Variants in KLHL1 observed in about 807,000 individuals in gnomAD.
KLHL1 encodes the protein kelch like family member 1.
KLHL1 carries 47 observed loss-of-function variants against 77.7 expected under a neutral mutation model. That is an observed-to-expected ratio of 0.60 (90% CI 0.48 to 0.77). The LOEUF (loss-of-function observed/expected upper bound fraction) is 0.77, where lower values mean the gene tolerates loss of function less well. Among genes scored for constraint, KLHL1 ranks in the 30% least tolerant of loss-of-function variants. The pLI is 0.00. For synonymous variants in KLHL1, 360 were observed against 325.2 expected (o/e 1.11, Z -1.15); for missense variants, 925 against 910.8 (o/e 1.02, Z -0.20).
At chr13:69,751,140 G>C (rs963731821) in intron 7 of KLHL1, among the ~76,000 whole-genome samples, 1 of 151,328 alleles carries the variant, frequency 6.6e-6, no homozygotes, top group African/African-American at 2.4e-5. Context: ...GTGTGTGTGT[G>C]TGTGTGTGTA....
intron 3 of KLHL1, among the ~76,000 whole-genome samples, chr13:69,961,005 A>G (rs960880722): frequency 6.6e-6 from 1 of 152,000 alleles, no homozygotes; most frequent in African/African-American, 2.4e-5. Context: ...CTAAGCAAAC[A>G]TGGACATAAA....
At chr13:69,966,927 C>A (rs1181005299) in intron 2 of KLHL1, among the ~76,000 whole-genome samples, 1 of 152,082 alleles carries the variant, frequency 6.6e-6, no homozygotes, top group Non-Finnish European at 1.5e-5. Context: ...TCCATGTGAC[C>A]ATGAATGACA....
intron 4 of KLHL1, among the ~76,000 whole-genome samples, chr13:69,934,841 CT>C (rs1161396924): frequency 6.6e-6 from 1 of 151,450 alleles, no homozygotes; most frequent in Non-Finnish European, 1.5e-5. Context: ...CTAATTCTAC[CT>C]CATTTTTTAC....
At chr13:69,939,711 G>C (rs776783115) in intron 4 of KLHL1, among the ~76,000 whole-genome samples, 2 of 151,992 alleles carry the variant, frequency 1.3e-5, no homozygotes, top group Non-Finnish European at 2.9e-5. Flanking sequence ...ATGTGCCCAG[G>C]GAGGGCCTGG....
intron 1 of KLHL1, among the ~76,000 whole-genome samples, chr13:70,032,632 CTTTA>C (rs1432961738): frequency 2.0e-5 from 3 of 152,158 alleles, no homozygotes; most frequent in Admixed American, 2.0e-4. Flanking sequence ...ATTAAATGCT[CTTTA>C]TTTTTTAAAT....
At chr13:69,853,892 C>A (rs892313455) in intron 5 of KLHL1, among the ~76,000 whole-genome samples, 1 of 151,944 alleles carries the variant, frequency 6.6e-6, no homozygotes, top group African/African-American at 2.4e-5. Flanking sequence ...CTTTGCTTAG[C>A]GTAAGGCTTA....
intron 7 of KLHL1, among the ~76,000 whole-genome samples, chr13:69,772,044 T>C (rs1655015936): frequency 6.6e-6 from 1 of 152,114 alleles, no homozygotes; most frequent in African/African-American, 2.4e-5. Context: ...CTCTGCCTCC[T>C]GGGTTCAAGC....
intron 5 of KLHL1, among the ~76,000 whole-genome samples, chr13:69,847,081 A>C (rs1433094615): frequency 6.6e-6 from 1 of 151,426 alleles, no homozygotes; most frequent in Non-Finnish European, 1.5e-5. Context: ...CCTTGTCATG[A>C]TTCTCTGCAC....
intron 4 of KLHL1, among the ~76,000 whole-genome samples, chr13:69,902,948 T>TTA (rs1238870843): frequency 7.2e-5 from 11 of 152,138 alleles, no homozygotes; most frequent in Non-Finnish European, 1.5e-4. Context: ...AGCTTTTCCA[T>TTA]TATATATATA....
intron 4 of KLHL1, among the ~76,000 whole-genome samples, chr13:69,912,705 T>A (rs1000268968): frequency 5.3e-5 from 8 of 152,158 alleles, no homozygotes; most frequent in African/African-American, 9.6e-5. Flanking sequence ...TTAGGCCAAG[T>A]CACCGCCAGA....
intron 1 of KLHL1, among the ~76,000 whole-genome samples, chr13:70,041,059 T>A (rs1298497591): frequency 6.6e-6 from 1 of 152,316 alleles, no homozygotes; most frequent in South Asian, 2.1e-4. Context: ...AGATATTATA[T>A]TTTTAATTGT....
chr13:70,040,550 A>G (rs1886351543), intron 1 of KLHL1, among the ~76,000 whole-genome samples: 1 of 152,170 alleles, frequency 6.6e-6, no homozygotes, highest in South Asian at 2.1e-4. Context: ...TCTGACTTCC[A>G]TGATTTCTGA....
intron 7 of KLHL1, among the ~76,000 whole-genome samples, chr13:69,745,857 C>T (rs1196675722): frequency 1.3e-5 from 2 of 151,246 alleles, no homozygotes; most frequent in East Asian, 3.9e-4. Context: ...CTGAATTTTC[C>T]CCCAATATCC....
chr13:69,719,436 A>G lies in KLHL1; in HGVS notation c.1948T>C (p.Tyr650His), dbSNP rs753364231. The change falls in exon 9 of 11, where the codon TAT becomes CAT. Residue 650 changes from tyrosine (Y) to histidine (H), a missense_variant. Physicochemically the swap from Tyr to His is moderately conservative, Grantham distance 83. Transcript: ENST00000377844. ...GGAGCATCATGACCTCCTACTGCAT[A>G]AAGAAAACCGTCACATGTGGCCACT... is the stretch of plus-strand genomic sequence containing the variant. ...VGVATCDGFL[Y>H]AVGGHDAPAS... 1.2e-5 allele frequency: 19 copies of G among 1,613,516 alleles called. No individual in the cohort carries two copies.
At chr13:69,710,732 C>G (rs1875835483) in intron 9 of KLHL1, among the ~76,000 whole-genome samples, 1 of 152,060 alleles carries the variant, frequency 6.6e-6, no homozygotes, top group Admixed American at 6.6e-5. Context: ...TGAACTCTGT[C>G]ATTTTCAGGT....
chr13:70,005,055 T>C (rs1457350451), intron 1 of KLHL1, among the ~76,000 whole-genome samples: 1 of 151,758 alleles, frequency 6.6e-6, no homozygotes, highest in African/African-American at 2.4e-5. Context: ...GAATACAGGT[T>C]TTTGTATTGC....
At chr13:69,931,905 G>A (rs976500135) in intron 4 of KLHL1, among the ~76,000 whole-genome samples, 11 of 151,650 alleles carry the variant, frequency 7.3e-5, no homozygotes, top group Admixed American at 4.6e-4. Flanking sequence ...TTATGCATTT[G>A]TTTCTTATTA....
chr13:69,824,157 A>G (rs1277020708), intron 6 of KLHL1, among the ~76,000 whole-genome samples: 3 of 152,074 alleles, frequency 2.0e-5, no homozygotes, highest in Admixed American at 6.6e-5. Context: ...AAGCTTCCAC[A>G]TTAAATAAAA....
chr13:69,754,572 C>T (rs910416154), intron 7 of KLHL1, among the ~76,000 whole-genome samples: 1 of 152,066 alleles, frequency 6.6e-6, no homozygotes, highest in Admixed American at 6.6e-5. Context: ...TTTTTAAGAA[C>T]AGGGCCTGTG....
Sources: allele counts gnomAD v4.1 joint callset (sites outside exome capture counted in the v4.1 genomes callset), GRCh38; gene constraint gnomAD v4.1.1; transcripts MANE v1.5; gene names NCBI Gene and HGNC (gene_info 2026-07-23, HGNC 2026-07-21).